The following SHQ1 variants were observed in gnomAD, a reference collection of about 807,000 sequenced individuals.
SHQ1 encodes SHQ1, H/ACA ribonucleoprotein assembly factor.
SHQ1 carries 49 observed loss-of-function variants against 53.8 expected under a neutral mutation model. The observed-to-expected ratio is 0.91, with a 90% CI of 0.72 to 1.16. SHQ1 has a LOEUF of 1.16. SHQ1 is among the 50% of genes most tolerant of loss of function. SHQ1 has a pLI of 0.00. For missense variants in SHQ1, 738 were observed against 683.1 expected, an observed-to-expected ratio of 1.08 and a Z score of -0.90; for synonymous variants, 243 against 251.0, an observed-to-expected ratio of 0.97 and a Z score of 0.30.
intron 10 of SHQ1, among the ~76,000 whole-genome samples, chr3:72,757,200 A>G (rs1705514412): frequency 6.6e-6 from 1 of 152,196 alleles, no homozygotes; most frequent in African/African-American, 2.4e-5. Flanking sequence ...CCTGCCAGGC[A>G]TGACATACTG....
chr3:72,771,250 T>G (rs1002721515), intron 10 of SHQ1, among the ~76,000 whole-genome samples: 1 of 152,198 alleles, frequency 6.6e-6, no homozygotes, highest in Non-Finnish European at 1.5e-5. Context: ...CTCCAAAAAA[T>G]GACTGCTCAT....
At chr3:72,804,027 C>G (rs776714918) in intron 9 of SHQ1, among the ~76,000 whole-genome samples, 3 of 152,136 alleles carry the variant, frequency 2.0e-5, no homozygotes, top group Non-Finnish European at 4.4e-5. Context: ...AGCAATCCTC[C>G]TGCCTCGGGA....
intron 10 of SHQ1, among the ~76,000 whole-genome samples, chr3:72,786,572 T>G (rs1706239117): frequency 6.6e-6 from 1 of 152,196 alleles, no homozygotes; most frequent in African/African-American, 2.4e-5. Context: ...TTACAAACCT[T>G]TCAGCTCTCA....
At chr3:72,749,192 T>C (rs954669339), downstream of SHQ1, 1 of 191,024 alleles carries the variant, frequency 5.2e-6, no homozygotes, top group African/African-American at 2.3e-5. Flanking sequence ...TCTTAAAACA[T>C]TAAACATATA....
the SHQ1 span, among the ~76,000 whole-genome samples, chr3:72,743,161 G>T: frequency 2.6e-5 from 4 of 152,132 alleles, no homozygotes; most frequent in Non-Finnish European, 4.4e-5. Context: ...TTTTAATTTT[G>T]TAGAAATCAA....
intron 10 of SHQ1, among the ~76,000 whole-genome samples, chr3:72,757,868 A>G (rs1021116023): frequency 4.6e-5 from 7 of 152,176 alleles, no homozygotes; most frequent in South Asian, 2.1e-4. Flanking sequence ...AAAACAACTA[A>G]TAAGTACTAG....
intron 10 of SHQ1, among the ~76,000 whole-genome samples, chr3:72,776,209 T>C (rs1220143779): frequency 6.6e-6 from 1 of 152,224 alleles, no homozygotes; most frequent in Non-Finnish European, 1.5e-5. Flanking sequence ...TGAATTACAT[T>C]TCTATACACA....
chr3:72,801,566 G>A (rs1364555190), intron 9 of SHQ1, among the ~76,000 whole-genome samples: 1 of 152,124 alleles, frequency 6.6e-6, no homozygotes, highest in African/African-American at 2.4e-5. Flanking sequence ...TACCACTGAT[G>A]AATTTATTTT....
rs1366105292 is a variant in SHQ1 at position 72,761,965 on chromosome 3, G to C, written c.1182-11129C>G. On this transcript the variant is annotated intron_variant, in intron 10 of 10. Coordinates refer to ENST00000325599, the MANE Select transcript of SHQ1 (RefSeq NM_018130.3). ...AAAGTCCTCCATCAGAATGACTCTC[G>C]CACAGAAGGGGTGAAAGCAGGGGAG... is the stretch of plus-strand genomic sequence containing the variant. 2.0e-5 allele frequency among the ~76,000 whole-genome samples: 3 copies of C among 152,224 alleles called. No individual in the cohort carries two copies. In the South Asian group the frequency reaches 6.2e-4, roughly 32 times the overall value.
chr3:72,738,522 A>G, the SHQ1 span, among the ~76,000 whole-genome samples: 6 of 151,726 alleles, frequency 4.0e-5, no homozygotes, highest in Admixed American at 2.0e-4. Context: ...CTTCGCGCCA[A>G]TTTCATCAGC....
intron 9 of SHQ1, among the ~76,000 whole-genome samples, chr3:72,801,351 G>A (rs1378078257): frequency 6.6e-6 from 1 of 152,012 alleles, no homozygotes; most frequent in Non-Finnish European, 1.5e-5. Context: ...GCCCTTTGTG[G>A]TTTTAATTAA....
chr3:72,767,789 C>A (rs1252296811), intron 10 of SHQ1, among the ~76,000 whole-genome samples: 1 of 152,206 alleles, frequency 6.6e-6, no homozygotes, highest in Non-Finnish European at 1.5e-5. Context: ...TAGGAATACA[C>A]AGTACAACTT....
At chr3:72,845,343 C>G (rs1427949151) in intron 1 of SHQ1, among the ~76,000 whole-genome samples, 1 of 151,954 alleles carries the variant, frequency 6.6e-6, no homozygotes, top group African/African-American at 2.4e-5. Flanking sequence ...ATTAGCCAGG[C>G]ATAGTGGTGC....
At chr3:72,791,876 C>A (rs1706450174) in intron 10 of SHQ1, among the ~76,000 whole-genome samples, 2 of 152,070 alleles carry the variant, frequency 1.3e-5, no homozygotes, top group Non-Finnish European at 2.9e-5. Context: ...TAATTAATAG[C>A]CTCTTGCTAC....
intron 10 of SHQ1, among the ~76,000 whole-genome samples, chr3:72,784,767 G>A (rs979947643): frequency 6.6e-6 from 1 of 152,048 alleles, no homozygotes; most frequent in African/African-American, 2.4e-5. Flanking sequence ...TCTGATTATC[G>A]CTCTGCGTGC....
chr3:72,788,504 G>C (rs1054853491), intron 10 of SHQ1, among the ~76,000 whole-genome samples: 71 of 151,932 alleles, frequency 4.7e-4, no homozygotes, highest in Admixed American at 1.8e-3. Context: ...GAGGTAGGGG[G>C]GGCGCCTCTG....
the SHQ1 span, among the ~76,000 whole-genome samples, chr3:72,727,523 C>G: frequency 1.3e-5 from 2 of 152,200 alleles, no homozygotes; most frequent in East Asian, 1.9e-4. Flanking sequence ...GGCCACACAT[C>G]AGAGCTAGGA....
chr3:72,815,230 C>A, intron 8 of SHQ1, 120 bp downstream of exon 8: 2 of 783,442 alleles, frequency 2.6e-6, no homozygotes, highest in Middle Eastern at 3.0e-4. Flanking sequence ...CATACTTGTA[C>A]AATAGAGCTT....
the SHQ1 span, among the ~76,000 whole-genome samples, chr3:72,738,249 C>A: frequency 1.3e-5 from 2 of 152,204 alleles, no homozygotes; most frequent in African/African-American, 4.8e-5. Context: ...TCGGGTTCCT[C>A]GCTTTAAAAT....
Sources: gnomAD v4.1 joint callset for allele counts (sites outside exome capture counted in the v4.1 genomes callset) on GRCh38, gnomAD v4.1.1 for gene constraint, MANE v1.5 for transcripts, NCBI Gene and HGNC (gene_info 2026-07-23, HGNC 2026-07-21) for gene names.